The following WWOX variants were observed in gnomAD, a reference collection of about 807,000 sequenced individuals.
The protein encoded by WWOX is WW domain-containing oxidoreductase.
In WWOX, 69 loss-of-function variants were observed where a neutral mutation model predicts 46.2. That is an observed-to-expected ratio of 1.49 (90% CI 1.23 to 1.82). The LOEUF is 1.82. Ranked by LOEUF, WWOX falls within the 40% of genes most tolerant of loss-of-function variation. The pLI, the probability that WWOX is intolerant of heterozygous loss-of-function variation, is 0.00. For missense variants in WWOX, 919 were observed against 542.6 expected (o/e 1.69, Z -6.89); for synonymous variants, 359 against 202.6 (o/e 1.77, Z -6.56).
At chr16:78,107,552 C>T (rs935274627) in intron 1 of WWOX, among the ~76,000 whole-genome samples, 1 of 152,178 alleles carries the variant, frequency 6.6e-6, no homozygotes, top group African/African-American at 2.4e-5. Flanking sequence ...GTCACTTGAC[C>T]AAAGGTGCAC....
At chr16:79,211,040 T>TGTGTGTGTGTGTGG (rs1567624011) in intron 8 of WWOX, among the ~76,000 whole-genome samples, 1 of 145,994 alleles carries the variant, frequency 6.8e-6, no homozygotes, top group Non-Finnish European at 1.5e-5. Context: ...GAGGAGTGTG[T>TGTGTGTGTGTGTGG]GTGTGTGTGT....
chr16:78,926,778 G>A (rs1375333383), intron 8 of WWOX, among the ~76,000 whole-genome samples: 2 of 152,082 alleles, frequency 1.3e-5, no homozygotes, highest in Non-Finnish European at 2.9e-5. Flanking sequence ...TGAGAGCTGA[G>A]TGCCAGTTTG....
chr16:79,012,264 G>A (rs762395832), intron 8 of WWOX, among the ~76,000 whole-genome samples: 16 of 151,892 alleles, frequency 1.1e-4, no homozygotes, highest in African/African-American at 3.1e-4. Context: ...ATGGAGCCTC[G>A]CTCTGTCACC....
chr16:78,858,348 A>G (rs201025481), intron 8 of WWOX, among the ~76,000 whole-genome samples: 90 of 116,652 alleles, frequency 7.7e-4, no homozygotes, highest in South Asian at 3.3e-3. Context: ...GTGTGTGTGT[A>G]TGTATATATA....
intron 8 of WWOX, among the ~76,000 whole-genome samples, chr16:79,028,294 A>G (rs1348176209): frequency 1.3e-5 from 2 of 151,828 alleles, no homozygotes; most frequent in Non-Finnish European, 2.9e-5. Flanking sequence ...AGTGTCTGGC[A>G]AATGGAAAGT....
chr16:78,391,670 A>C (rs948719094), intron 6 of WWOX, among the ~76,000 whole-genome samples: 3 of 152,156 alleles, frequency 2.0e-5, no homozygotes, highest in African/African-American at 2.4e-5. Flanking sequence ...CAACATGGCA[A>C]AACCCCGTCT....
At chr16:78,823,867 C>T (rs2051575546) in intron 8 of WWOX, among the ~76,000 whole-genome samples, 1 of 151,886 alleles carries the variant, frequency 6.6e-6, no homozygotes, top group Admixed American at 6.6e-5. Context: ...CCTCCAATGC[C>T]TGGGTTTAAG....
rs878855022 is a variant in WWOX, at chr16:78,432,661, A to G, written c.965A>G (p.His322Arg). The change falls in exon 8 of 9, where the codon CAT becomes CGT. Residue 322 changes from histidine (H) to arginine (R), a missense_variant. Physicochemically the swap from His to Arg is conservative, Grantham distance 29. Transcript: ENST00000566780. ...CGCGGGGTCACGTCGAACGCAGTGC[A>G]TCCTGGAAATATGATGTACTCCAAC... ...SPRGVTSNAV[H>R]PGNMMYSNIH... 6.2e-7 allele frequency: 1 copy of G among 1,614,188 alleles called. No homozygotes were observed. Among genetic ancestry groups the G allele is most frequent in the South Asian group, 1.1e-5 (1 of 91,078 alleles).
At chr16:78,287,322 G>A (rs899516751) in intron 5 of WWOX, among the ~76,000 whole-genome samples, 1 of 152,038 alleles carries the variant, frequency 6.6e-6, no homozygotes, top group African/African-American at 2.4e-5. Context: ...AATGTCTGTT[G>A]AAATGAACTA....
intron 8 of WWOX, among the ~76,000 whole-genome samples, chr16:78,918,185 C>T (rs756673669): frequency 6.6e-6 from 1 of 151,926 alleles, no homozygotes; most frequent in South Asian, 2.1e-4. Flanking sequence ...ATTGCACCAG[C>T]CTGGGTGACA....
At chr16:78,595,517 C>T (rs186829081) in intron 8 of WWOX, among the ~76,000 whole-genome samples, 1 of 152,314 alleles carries the variant, frequency 6.6e-6, no homozygotes. Flanking sequence ...TGTACAAGAC[C>T]ACATCTCTCA....
intron 8 of WWOX, among the ~76,000 whole-genome samples, chr16:79,031,758 A>G (rs577060938): frequency 1.4e-5 from 2 of 144,692 alleles, no homozygotes; most frequent in South Asian, 2.1e-4. Flanking sequence ...TTCTTTCTAT[A>G]TATATATATA....
At chr16:79,185,069 G>T (rs974684172) in intron 8 of WWOX, among the ~76,000 whole-genome samples, 10 of 152,196 alleles carry the variant, frequency 6.6e-5, no homozygotes, top group African/African-American at 2.4e-4. Flanking sequence ...TGTGATTTGA[G>T]AGGTCTTGAG....
At chr16:78,585,864 G>C (rs553020865) in intron 8 of WWOX, among the ~76,000 whole-genome samples, 1 of 151,888 alleles carries the variant, frequency 6.6e-6, no homozygotes, top group East Asian at 1.9e-4. Context: ...ATCTTTTATT[G>C]TCTTGTTCTC....
chr16:78,337,235 G>C (rs765252952), intron 5 of WWOX, among the ~76,000 whole-genome samples: 3 of 152,268 alleles, frequency 2.0e-5, no homozygotes, highest in Non-Finnish European at 4.4e-5. Flanking sequence ...AGAGTGGGTA[G>C]GAATCCTGCA....
chr16:78,496,251 C>G (rs767388219), intron 8 of WWOX: 1 of 152,180 alleles, frequency 6.6e-6, no homozygotes, highest in Non-Finnish European at 1.5e-5. Flanking sequence ...TCCCTCCTCC[C>G]GTTCATTTTT....
At chr16:78,482,875 A>G (rs1310190406) in intron 8 of WWOX, among the ~76,000 whole-genome samples, 1 of 152,186 alleles carries the variant, frequency 6.6e-6, no homozygotes, top group Non-Finnish European at 1.5e-5. Context: ...GGCACATAAA[A>G]TACACATGGT....
intron 8 of WWOX, among the ~76,000 whole-genome samples, chr16:78,836,411 TC>T (rs1217468843): frequency 2.6e-5 from 4 of 152,166 alleles, no homozygotes; most frequent in Admixed American, 2.6e-4. Flanking sequence ...GATTGAGGTC[TC>T]CTGAAACTTA....
intron 7 of WWOX, among the ~76,000 whole-genome samples, chr16:78,430,732 A>T (rs1202826440): frequency 1.3e-5 from 2 of 152,162 alleles, no homozygotes; most frequent in African/African-American, 2.4e-5. Flanking sequence ...TGTATCCTTG[A>T]TGACGTTTCT....
Sources: gnomAD v4.1 joint callset for allele counts (sites outside exome capture counted in the v4.1 genomes callset) on GRCh38, gnomAD v4.1.1 for gene constraint, MANE v1.5 for transcripts, NCBI Gene and HGNC (gene_info 2026-07-23, HGNC 2026-07-21) for gene names.